Variants in FOXN4 observed in about 807,000 individuals in gnomAD.
FOXN4 encodes forkhead box protein N4.
FOXN4 carries 12 observed loss-of-function variants against 45.0 expected under a neutral mutation model. That is an observed-to-expected ratio of 0.27 (90% CI 0.17 to 0.43). FOXN4 has a LOEUF of 0.43. FOXN4 is among the 20% of genes least tolerant of loss of function. FOXN4 has a pLI of 1.00. For missense variants in FOXN4, 560 were observed against 694.9 expected (o/e 0.81, Z 2.18); for synonymous variants, 297 against 295.0 (o/e 1.01, Z -0.07).
intron 2 of FOXN4, among the ~76,000 whole-genome samples, 185 bp downstream of exon 2, chr12:109,308,051 G>A (rs534232707): frequency 6.6e-6 from 1 of 152,176 alleles, no homozygotes; most frequent in Non-Finnish European, 1.5e-5. Flanking sequence ...GGTCCCACTG[G>A]GCCAGGTTGT....
intron 2 of FOXN4, among the ~76,000 whole-genome samples, chr12:109,307,930 G>C (rs2047936325): frequency 6.6e-6 from 1 of 152,154 alleles, no homozygotes; most frequent in South Asian, 2.1e-4. Context: ...GGCCACTGGA[G>C]GGGAAGCAGT....
rs1323549106 is a variant in FOXN4 at position 109,304,281 on chromosome 12, AAGAAAGAAAGAAAGG to A, written c.86+3940_86+3954del. 4.4e-4 allele frequency among the ~76,000 whole-genome samples: 29 copies of A among 65,604 alleles called. 1 individual carries two copies. The highest frequency in any genetic ancestry group is 3.1e-3 in the Admixed American group (18 of 5,786). The allele number at this position is 65,604 out of a possible 152,430, so 43.0% of individuals were successfully genotyped here. A position where few individuals can be genotyped will look rare whatever the true frequency, so the allele number is the denominator to read the frequency against. ...AAAGAAAGAAAGAAAGAAAGAAAGAAAGAAAGAAAGAAAGGAGAAAGAAAGAAGGAAAGAAGGAAA... is the reference window on the plus strand; with the variant it reads ...AAAGAAAGAAAGAAAGAAAGAAAGAAAGAAAGAAAGAAGGAAAGAAGGAAA... On this transcript the variant is annotated intron_variant, in intron 2 of 9. Transcript: ENST00000299162.
Position 109,281,741 on chromosome 12 carries a change from C to T in FOXN4, c.960G>A (p.Pro320=), listed in dbSNP as rs761386254. The T allele has an allele frequency of 1.1e-4, 172 of 1,606,180 alleles. 2 individuals carry two copies. The highest frequency in any genetic ancestry group is 8.2e-4 in the South Asian group (74 of 90,758). The change falls in exon 9 of 10, where the codon CCG becomes CCA. Residue 320 remains proline, a synonymous_variant. Transcript: ENST00000299162. The stretch of plus-strand genomic sequence containing the variant: ...TCAGCACGGGGGCCTCTGGTTCCCC[C>T]GGTTTGCCGGGGCGCCGGCAGCTTT... ...RPESCRRPGK[P]GEPEAPVLTH...
chr12:109,289,499 G>A (rs2047746083), intron 3 of FOXN4, among the ~76,000 whole-genome samples: 1 of 152,142 alleles, frequency 6.6e-6, no homozygotes, highest in African/African-American at 2.4e-5. Context: ...TTCAACCACT[G>A]GTACTTTTAA....
rs2047632520 is a variant in FOXN4, at chr12:109,279,581, T to G, written c.*90A>C. 6.6e-7 allele frequency: 1 copy of G among 1,517,302 alleles called. No individual in the cohort carries two copies. The highest frequency in any genetic ancestry group is 8.9e-7 in the Non-Finnish European group (1 of 1,127,398). 94.0% of individuals were successfully genotyped at this position (1,517,302 alleles called of 1,614,324 possible). A position where few individuals can be genotyped will look rare whatever the true frequency, so the allele number is the denominator to read the frequency against. The stretch of plus-strand genomic sequence containing the variant: ...GGTCCAGGAGAGGCTTCGGGGACAA[T>G]GAGGGACCTGCCTTCTGGGAACACC... On this transcript the variant is annotated 3_prime_UTR_variant, in exon 10 of 10. Coordinates refer to ENST00000299162, the MANE Select transcript of FOXN4 (RefSeq NM_213596.3).
In FOXN4 at chr12:109,291,640, A is replaced by G. The variant is rs933920667; in HGVS notation, c.87-1354T>C. ...TCCCCTCTTGTGTTTTAGGGCCACA[A>G]TTAGCGTTGCCATGGCCACACTGCT... On this transcript the variant is annotated intron_variant, in intron 2 of 9. Transcript: ENST00000299162. This position sits in a 1 kb window ranked among gnomAD's most constrained non-coding sequence, Gnocchi z 6.6. Among the ~76,000 whole-genome samples, 4 of 151,906 alleles carry G rather than the reference A, an allele frequency of 2.6e-5. No homozygotes were observed. The highest frequency in any genetic ancestry group is 2.1e-4 in the South Asian group (1 of 4,794).
At chr12:109,281,229 T>G (rs2047648746) in intron 9 of FOXN4, among the ~76,000 whole-genome samples, 178 bp downstream of exon 9, 1 of 152,182 alleles carries the variant, frequency 6.6e-6, no homozygotes, top group Non-Finnish European at 1.5e-5. Flanking sequence ...CAAAAATTTT[T>G]GGATTTTGGA....
chr12:109,288,226 G>A lies in FOXN4; in HGVS notation c.233-46C>T. ...GACGCTGCTGGGCTGGAGGAATGGT[G>A]GCTGCCACCAGGAACAGCCCAGTGC... On this transcript the variant is annotated intron_variant, in intron 3 of 9. Coordinates refer to ENST00000299162, the MANE Select transcript of FOXN4 (RefSeq NM_213596.3). This position sits in a 1 kb window ranked among gnomAD's most constrained non-coding sequence, Gnocchi z 4.3. 6.5e-7 allele frequency: 1 copy of A among 1,532,260 alleles called. No individual in the cohort carries two copies. Among genetic ancestry groups the A allele is most frequent in the South Asian group, 1.2e-5 (1 of 81,684 alleles). 94.9% of individuals were successfully genotyped at this position (1,532,260 alleles called of 1,614,324 possible).
intron 2 of FOXN4, among the ~76,000 whole-genome samples, chr12:109,293,347 G>C (rs999754347): frequency 6.6e-6 from 1 of 152,028 alleles, no homozygotes; most frequent in African/African-American, 2.4e-5. Flanking sequence ...CCCAAGCACA[G>C]GGACCCACTC....
rs777546194 is a variant in FOXN4 at position 109,287,699 on chromosome 12, C to G, written c.468+145G>C. ...ACTCAGGGCAGGAGTTTTGGGGGAACGGAATGAATGACCCCATGACATGAG... is the reference window on the plus strand; with the variant it reads ...ACTCAGGGCAGGAGTTTTGGGGGAAGGGAATGAATGACCCCATGACATGAG... On this transcript the variant is annotated intron_variant, in intron 5 of 9. Coordinates refer to ENST00000299162, the MANE Select transcript of FOXN4 (RefSeq NM_213596.3). This position sits in a 1 kb window ranked among gnomAD's most constrained non-coding sequence, Gnocchi z 4.1. The G allele has an allele frequency of 9.0e-7, 1 of 1,112,212 alleles. No homozygotes were observed. Among genetic ancestry groups the G allele is most frequent in the African/African-American group, 1.6e-5 (1 of 63,294 alleles). 68.9% of individuals were successfully genotyped at this position (1,112,212 alleles called of 1,614,324 possible). A position where few individuals can be genotyped will look rare whatever the true frequency, so the allele number is the denominator to read the frequency against.
chr12:109,306,082 C>T (rs1300637875), intron 2 of FOXN4, among the ~76,000 whole-genome samples: 1 of 152,160 alleles, frequency 6.6e-6, no homozygotes, highest in Non-Finnish European at 1.5e-5. Context: ...TGGGCAGCAC[C>T]TGGGCACCTG....
At position 109,281,817 on chromosome 12, in the gene FOXN4, AG is replaced by A; in HGVS notation, c.902-19del. On this transcript the variant is annotated intron_variant, in intron 8 of 9. Coordinates refer to ENST00000299162, the MANE Select transcript of FOXN4 (RefSeq NM_213596.3). Reference sequence around the variant, plus strand: ...CAACTCCTCTGCAGGCAAGTGGGAGAGGTCACTCAGAACCCACCCAGCAGTT... The same window carrying A: ...CAACTCCTCTGCAGGCAAGTGGGAGAGTCACTCAGAACCCACCCAGCAGTT... 6 of 1,547,866 alleles carry A rather than the reference AG, an allele frequency of 3.9e-6. No homozygotes were observed. The highest frequency in any genetic ancestry group is 5.2e-6 in the Non-Finnish European group (6 of 1,151,750).
At chr12:109,297,871 C>T (rs967009978) in intron 2 of FOXN4, among the ~76,000 whole-genome samples, 1 of 152,110 alleles carries the variant, frequency 6.6e-6, no homozygotes, top group Non-Finnish European at 1.5e-5. Flanking sequence ...ATCAAATGTA[C>T]AGATTTGGTT....
At chr12:109,286,806 G>A in intron 6 of FOXN4, 62 bp from the exon 7 acceptor site, 1 of 1,537,308 alleles carries the variant, frequency 6.5e-7, no homozygotes, top group Non-Finnish European at 8.7e-7. Context: ...GGCATGAAAG[G>A]GTCTCAGGCT....
rs372695406 is a variant in FOXN4, at chr12:109,291,923, G to A, written c.87-1637C>T. On this transcript the variant is annotated intron_variant, in intron 2 of 9. Coordinates refer to ENST00000299162, the MANE Select transcript of FOXN4 (RefSeq NM_213596.3). The surrounding 1 kb of genome is among the most constrained non-coding windows in gnomAD (Gnocchi z 6.6). Reference sequence around the variant, plus strand: ...AGTGCAATTGTTTCTGCAGCCCCCCGGCTGCCACCCCTCCGGCCGCCACCC... The same window carrying A: ...AGTGCAATTGTTTCTGCAGCCCCCCAGCTGCCACCCCTCCGGCCGCCACCC... 3.4e-5 allele frequency among the ~76,000 whole-genome samples: 5 copies of A among 149,078 alleles called. No individual in the cohort carries two copies. Among genetic ancestry groups the A allele is most frequent in the African/African-American group, 7.7e-5 (3 of 38,740 alleles).
intron 9 of FOXN4, among the ~76,000 whole-genome samples, chr12:109,280,306 G>A (rs1416542131): frequency 2.1e-5 from 3 of 142,360 alleles, no homozygotes; most frequent in East Asian, 4.1e-4. Context: ...TTGTGCCACT[G>A]CGCTACAGCC....
Position 109,279,588 on chromosome 12 carries a change from C to A in FOXN4, c.*83G>T. On this transcript the variant is annotated 3_prime_UTR_variant, in exon 10 of 10. Coordinates refer to ENST00000299162, the MANE Select transcript of FOXN4 (RefSeq NM_213596.3). ...GAGAGGCTTCGGGGACAATGAGGGA[C>A]CTGCCTTCTGGGAACACCCTGTTCT... 6.6e-7 allele frequency: 1 copy of A among 1,525,234 alleles called. No individual in the cohort carries two copies. The highest frequency in any genetic ancestry group is 1.2e-5 in the South Asian group (1 of 81,236). The allele number at this position is 1,525,234 out of a possible 1,614,324, so 94.5% of individuals were successfully genotyped here.
chr12:109,285,140 GTATTTGTGTGTGTGCGCA>G (rs919751120), intron 8 of FOXN4, 146 bp downstream of exon 8: 42 of 369,330 alleles, frequency 1.1e-4, no homozygotes, highest in Middle Eastern at 1.4e-3. Context: ...GCGTGTGCGT[GTATTTGTGTGTGTGCGCA>G]TATTTGTGTG....
At chr12:109,294,478 C>A (rs528395278) in intron 2 of FOXN4, among the ~76,000 whole-genome samples, 82 of 152,272 alleles carry the variant, frequency 5.4e-4, no homozygotes, top group African/African-American at 1.9e-3. Flanking sequence ...CCCCTGCTTC[C>A]CCACTACTCC....
Sources: allele counts gnomAD v4.1 joint callset (sites outside exome capture counted in the v4.1 genomes callset), GRCh38; gene constraint gnomAD v4.1.1; non-coding constraint Gnocchi (gnomAD v3.1); transcripts MANE v1.5; gene names NCBI Gene and HGNC (gene_info 2026-07-23, HGNC 2026-07-21).